PDK1: variants seen among roughly 807,000 people sequenced by gnomAD.
The protein encoded by PDK1 is [Pyruvate dehydrogenase (acetyl-transferring)] kinase isozyme 1, mitochondrial.
In PDK1, 39 loss-of-function variants were observed where a neutral mutation model predicts 54.2. The observed-to-expected ratio is 0.72, with a 90% CI of 0.56 to 0.94. PDK1 has a LOEUF of 0.94. PDK1 is among the 40% of genes least tolerant of loss of function. The pLI is 0.00. For missense variants in PDK1, 552 were observed against 566.0 expected, an observed-to-expected ratio of 0.98 and a Z score of 0.25; for synonymous variants, 221 against 207.1, an observed-to-expected ratio of 1.07 and a Z score of -0.58.
At chr2:172,658,992 C>A in the PDK1 span, among the ~76,000 whole-genome samples, 2 of 152,168 alleles carry the variant, frequency 1.3e-5, no homozygotes, top group African/African-American at 4.8e-5. Flanking sequence ...GCCTCAGAAG[C>A]ATGTGATCTT....
the PDK1 span, among the ~76,000 whole-genome samples, chr2:172,614,078 T>A: frequency 6.6e-6 from 1 of 151,824 alleles, no homozygotes; most frequent in Non-Finnish European, 1.5e-5. Flanking sequence ...TCCAAGTTGA[T>A]GGGGTGGGAG....
intron 1 of PDK1, chr2:172,556,654 A>C: frequency 7.9e-6 from 2 of 252,388 alleles, no homozygotes; most frequent in Non-Finnish European, 1.5e-5. Context: ...GCCCCTTCCA[A>C]GGAGTCGGAC....
At chr2:172,577,509 TTTA>T (rs746590127) in intron 8 of PDK1, among the ~76,000 whole-genome samples, 2 of 152,142 alleles carry the variant, frequency 1.3e-5, no homozygotes, top group Non-Finnish European at 2.9e-5. Flanking sequence ...CATATCATTT[TTTA>T]TTATTTCTCC....
At chr2:172,641,073 C>T in the PDK1 span, among the ~76,000 whole-genome samples, 3 of 146,846 alleles carry the variant, frequency 2.0e-5, no homozygotes, top group Admixed American at 6.8e-5. Flanking sequence ...TTGTCTCTCT[C>T]TCTCTTTCCA....
chr2:172,561,528 T>G (rs1310729369), intron 2 of PDK1, among the ~76,000 whole-genome samples: 1 of 152,214 alleles, frequency 6.6e-6, no homozygotes, highest in African/African-American at 2.4e-5. Context: ...AGTAATTCAG[T>G]GGTAGCAAGT....
the PDK1 span, among the ~76,000 whole-genome samples, chr2:172,680,517 AT>A: frequency 6.6e-6 from 1 of 151,796 alleles, no homozygotes; most frequent in Non-Finnish European, 1.5e-5. Context: ...ATGCCCACTA[AT>A]TTTTATTTAT....
At chr2:172,706,498 C>A in the PDK1 span, among the ~76,000 whole-genome samples, 2 of 151,670 alleles carry the variant, frequency 1.3e-5, no homozygotes, top group Non-Finnish European at 2.9e-5. Flanking sequence ...AATCTCGGCT[C>A]ACTGCAGCCT....
At chr2:172,629,722 C>G in the PDK1 span, among the ~76,000 whole-genome samples, 1 of 152,212 alleles carries the variant, frequency 6.6e-6, no homozygotes, top group Non-Finnish European at 1.5e-5. Context: ...TAAGAGAACA[C>G]ACTGTAACAC....
chr2:172,659,302 C>T, the PDK1 span, among the ~76,000 whole-genome samples: 1 of 152,138 alleles, frequency 6.6e-6, no homozygotes, highest in Non-Finnish European at 1.5e-5. Context: ...TTTCACTAAC[C>T]CTTATCTTCC....
rs561425588 is a variant in PDK1 at position 172,585,132 on chromosome 2, GATCAC to G, written c.946-1144_946-1140del. On this transcript the variant is annotated intron_variant, in intron 8 of 10. Transcript: ENST00000282077. ...CTTCCTCAGCCTCCCAAGTAGCTGG[GATCAC>G]AGTTGTATGCCACCATGCCCAGCTA... Among the ~76,000 whole-genome samples the G allele has an allele frequency of 1.2e-3, 180 of 152,018 alleles. 1 individual carries two copies. Among genetic ancestry groups the G allele is most frequent in the African/African-American group, 4.2e-3 (173 of 41,458 alleles).
chr2:172,705,465 A>G, the PDK1 span, among the ~76,000 whole-genome samples: 2 of 152,218 alleles, frequency 1.3e-5, no homozygotes, highest in African/African-American at 4.8e-5. Context: ...ATTCTGCCCT[A>G]TCTTATTACT....
chr2:172,586,414 G>C, intron 9 of PDK1, 26 bp downstream of exon 9: 1 of 1,403,748 alleles, frequency 7.1e-7, no homozygotes, highest in Non-Finnish European at 1.0e-6. Flanking sequence ...ATAATGAAGT[G>C]TGTTTCTGTG....
At chr2:172,702,459 A>G in the PDK1 span, among the ~76,000 whole-genome samples, 15 of 149,896 alleles carry the variant, frequency 1.0e-4, no homozygotes, top group African/African-American at 3.5e-4. Flanking sequence ...CCTGGGCAAC[A>G]GAGTGAGACT....
chr2:172,569,939 C>G (rs1002107631), intron 7 of PDK1, among the ~76,000 whole-genome samples: 2 of 152,058 alleles, frequency 1.3e-5, no homozygotes, highest in East Asian at 1.9e-4. Context: ...GATCTTGTGC[C>G]CTATGATTGA....
intron 3 of PDK1, chr2:172,562,912 C>A: frequency 3.3e-6 from 3 of 919,766 alleles, no homozygotes; most frequent in Non-Finnish European, 3.3e-6. Flanking sequence ...GTGTAATGAC[C>A]ATCTCTTGTC....
intron 8 of PDK1, 134 bp downstream of exon 8, chr2:172,570,958 A>G (rs1689219635): frequency 3.4e-6 from 2 of 587,482 alleles, no homozygotes; most frequent in African/African-American, 3.8e-5. Context: ...TCTGTAATAG[A>G]TAATAAGCAC....
Position 172,556,157 on chromosome 2 carries a change from C to T in PDK1, c.7C>T (p.Leu3=), listed in dbSNP as rs1688306202. The T allele has an allele frequency of 2.8e-6, 4 of 1,414,070 alleles. No individual in the cohort carries two copies. Among genetic ancestry groups the T allele is most frequent in the Non-Finnish European group, 3.7e-6 (4 of 1,091,436 alleles). 87.6% of individuals were successfully genotyped at this position (1,414,070 alleles called of 1,614,324 possible). A position where few individuals can be genotyped will look rare whatever the true frequency, so the allele number is the denominator to read the frequency against. The part of the protein sequence containing the change: MR[L]ARLLRGAALA... Reference sequence around the variant, plus strand: ...TTCTCTAGCGGGACTCGGCATGAGGCTGGCGCGGCTGCTTCGCGGAGCCGC... The same window carrying T: ...TTCTCTAGCGGGACTCGGCATGAGGTTGGCGCGGCTGCTTCGCGGAGCCGC... Residue 3 remains leucine, a synonymous_variant, in exon 1 of 11, where the codon CTG becomes TTG. Coordinates refer to ENST00000282077, the MANE Select transcript of PDK1 (RefSeq NM_002610.5).
At chr2:172,621,820 G>GA in the PDK1 span, among the ~76,000 whole-genome samples, 1 of 130,388 alleles carries the variant, frequency 7.7e-6, no homozygotes, top group Non-Finnish European at 1.5e-5. Context: ...TCATATGTAT[G>GA]ATATATGTTT....
chr2:172,614,155 C>A, the PDK1 span, among the ~76,000 whole-genome samples: 1 of 141,552 alleles, frequency 7.1e-6, no homozygotes, highest in African/African-American at 2.8e-5. Flanking sequence ...CCTGTGCCCT[C>A]AGGGGTCCCA....
Sources: allele counts gnomAD v4.1 joint callset (sites outside exome capture counted in the v4.1 genomes callset), GRCh38; gene constraint gnomAD v4.1.1; transcripts MANE v1.5; gene names NCBI Gene and HGNC (gene_info 2026-07-23, HGNC 2026-07-21).